The following PIM3 variants were observed in gnomAD, a reference collection of about 807,000 sequenced individuals.
The protein encoded by PIM3 is serine/threonine-protein kinase pim-3.
A neutral mutation model predicts 27.5 loss-of-function variants in PIM3; 13 were observed. The ratio of observed to expected loss-of-function variants is 0.47; its 90% CI spans 0.31 to 0.75. The LOEUF is 0.75. Ranked by LOEUF, PIM3 falls within the 30% of genes least tolerant of loss-of-function variation. The pLI, the probability that PIM3 is intolerant of heterozygous loss-of-function variation, is 0.05. For missense variants in PIM3, 482 were observed against 476.9 expected (o/e 1.01, Z -0.10); for synonymous variants, 341 against 221.1 (o/e 1.54, Z -4.81).
chr22:49,961,969 G>A (rs2060909840), intron 4 of PIM3, among the ~76,000 whole-genome samples, 158 bp downstream of exon 4: 3 of 152,138 alleles, frequency 2.0e-5, no homozygotes, highest in Admixed American at 2.0e-4. Flanking sequence ...CCTGGGGAGG[G>A]CTGAGCGAGG....
In PIM3 at chr22:49,961,665, C is replaced by T. The variant is rs1436362600; in HGVS notation, c.470C>T (p.Ala157Val). ...ARRFFAQVLA[A>V]VRHCHSCGVV... is the part of the protein sequence containing the mutation. Reference sequence around the variant, plus strand: ...CGCTTCTTCGCGCAGGTGCTGGCCGCCGTGCGCCACTGCCACAGCTGCGGG... The same window carrying T: ...CGCTTCTTCGCGCAGGTGCTGGCCGTCGTGCGCCACTGCCACAGCTGCGGG... Residue 157 changes from alanine to valine, a missense_variant, in exon 4 of 6, where the codon GCC becomes GTC. Coordinates refer to ENST00000360612, the MANE Select transcript of PIM3 (RefSeq NM_001001852.4). 1.3e-6 allele frequency: 2 copies of T among 1,585,496 alleles called. No individual in the cohort carries two copies. Among genetic ancestry groups the T allele is most frequent in the South Asian group, 1.1e-5 (1 of 87,730 alleles).
At position 49,962,710 on chromosome 22, in the gene PIM3, CG is replaced by C; in HGVS notation, c.640del (p.Glu214SerfsTer56). 1 of 1,611,806 alleles carries C rather than the reference CG, an allele frequency of 6.2e-7. No homozygotes were observed. Among genetic ancestry groups the C allele is most frequent in the Non-Finnish European group, 8.5e-7 (1 of 1,179,540 alleles). On this transcript the variant is annotated frameshift_variant, in exon 5 of 6. Transcript: ENST00000360612. LOFTEE classifies it high-confidence loss of function. ...DFDGTRVYSP[P>X]EWIRYHRYHG... ...TTAGGCACCCGAGTGTACAGCCCCC[CG>C]GAGTGGATCCGCTACCACCGCTACC...
At chr22:49,962,582 G>T in intron 4 of PIM3, 107 bp from the exon 5 acceptor site, 1 of 1,279,334 alleles carries the variant, frequency 7.8e-7, no homozygotes. Flanking sequence ...TTGAGGCCTG[G>T]CTCTGCTTCC....
chr22:49,962,738 C>T lies in PIM3; in HGVS notation c.666C>T (p.His222=), dbSNP rs144759588. ...PPEWIRYHRY[H]GRSATVWSLG... ...AGTGGATCCGCTACCACCGCTACCACGGGCGCTCGGCCACCGTGTGGTCGC... is the reference window on the plus strand; with the variant it reads ...AGTGGATCCGCTACCACCGCTACCATGGGCGCTCGGCCACCGTGTGGTCGC... The change falls in exon 5 of 6, where the codon CAC becomes CAT. Residue 222 remains histidine (H), a synonymous_variant. Coordinates refer to ENST00000360612, the MANE Select transcript of PIM3 (RefSeq NM_001001852.4). The T allele has an allele frequency of 2.6e-3, 4,216 of 1,612,786 alleles. 105 individuals are homozygous for T. The African/African-American group carries it at 0.051, about 19-fold the overall frequency.
Position 49,961,312 on chromosome 22 carries a change from C to G in PIM3, c.196-6C>G. ...TTGGCCCGGCCTGACCCCCGCGTCT[C>G]CGCAGGTGGCTGTGAAGCACGTGGT... is the stretch of plus-strand genomic sequence containing the variant. On this transcript the variant is annotated splice_region_variant and splice_polypyrimidine_tract_variant and intron_variant, in intron 2 of 5. Transcript: ENST00000360612. The G allele has an allele frequency of 6.5e-7, 1 of 1,544,766 alleles. No individual in the cohort carries two copies. Among genetic ancestry groups the G allele is most frequent in the Non-Finnish European group, 8.7e-7 (1 of 1,150,314 alleles).
In PIM3 at chr22:49,961,658, C is replaced by G. The variant is rs879175441; in HGVS notation, c.463C>G (p.Leu155Val). Reference protein sequence around the residue: ...PLARRFFAQVLAAVRHCHSCG... With the variant: ...PLARRFFAQVVAAVRHCHSCG... ...GGCGCGCCGCTTCTTCGCGCAGGTG[C>G]TGGCCGCCGTGCGCCACTGCCACAG... Residue 155 changes from leucine (L) to valine (V), a missense_variant, in exon 4 of 6, where the codon CTG (leucine) becomes GTG (valine). Coordinates refer to ENST00000360612, the MANE Select transcript of PIM3 (RefSeq NM_001001852.4). 6.3e-7 allele frequency: 1 copy of G among 1,579,264 alleles called. No individual in the cohort carries two copies.
chr22:49,962,525 C>T (rs1480597188), intron 4 of PIM3, among the ~76,000 whole-genome samples, 164 bp from the exon 5 acceptor site: 1 of 151,952 alleles, frequency 6.6e-6, no homozygotes, highest in Non-Finnish European at 1.5e-5. Context: ...TCCCCCAGCC[C>T]CCCCATCGCC....
chr22:49,962,763 C>T lies in PIM3; in HGVS notation c.691C>T (p.Leu231=), dbSNP rs752737381. The T allele has an allele frequency of 4.3e-6, 7 of 1,612,728 alleles. No individual in the cohort carries two copies. The highest frequency in any genetic ancestry group is 5.1e-6 in the Non-Finnish European group (6 of 1,179,978). Residue 231 remains leucine, a synonymous_variant, in exon 5 of 6, where the codon CTG becomes TTG. Coordinates refer to ENST00000360612, the MANE Select transcript of PIM3 (RefSeq NM_001001852.4). The part of the protein sequence containing the change: ...YHGRSATVWS[L]GVLLYDMVCG... ...CGGGCGCTCGGCCACCGTGTGGTCG[C>T]TGGGCGTGCTTCTCTACGATATGGT...
chr22:49,961,890 G>A, intron 4 of PIM3, 79 bp downstream of exon 4: 9 of 1,564,190 alleles, frequency 5.8e-6, no homozygotes, highest in Non-Finnish European at 6.9e-6. Flanking sequence ...CACATGGAGG[G>A]GCTGATGACT....
chr22:49,962,070 C>T (rs1338457795), intron 4 of PIM3, among the ~76,000 whole-genome samples: 3 of 152,084 alleles, frequency 2.0e-5, no homozygotes, highest in Non-Finnish European at 4.4e-5. Context: ...CCTCTTGCCC[C>T]GGTGTGGGAG....
Position 49,963,136 on chromosome 22 carries a change from A to G in PIM3, c.*9A>G, listed in dbSNP as rs1365381228. 1 of 1,580,568 alleles carries G rather than the reference A, an allele frequency of 6.3e-7. No homozygotes were observed. The highest frequency in any genetic ancestry group is 8.6e-7 in the Non-Finnish European group (1 of 1,162,158). ...GCAGCGAGAGCTTGTGAGGAGCTGC[A>G]CCTGACTGGGAGCTAGGGGACCACC... is the stretch of plus-strand genomic sequence containing the variant. On this transcript the variant is annotated 3_prime_UTR_variant, in exon 6 of 6. Coordinates refer to ENST00000360612, the MANE Select transcript of PIM3 (RefSeq NM_001001852.4).
rs1442428582 is a variant in PIM3, at chr22:49,963,026, C to T, written c.880C>T (p.Leu294=). Residue 294 remains leucine (L), a synonymous_variant, in exon 6 of 6, where the codon CTG becomes TTG. Transcript: ENST00000360612. ...LDQIAAHPWM[L]GADGGVPESC... ...TCAGATTGCGGCCCATCCCTGGATG[C>T]TGGGGGCTGACGGGGGCGTCCCGGA... 1.3e-5 allele frequency: 21 copies of T among 1,612,060 alleles called. No homozygotes were observed. Among genetic ancestry groups the T allele is most frequent in the Non-Finnish European group, 1.8e-5 (21 of 1,179,790 alleles).
chr22:49,961,217 A>T lies in PIM3; in HGVS notation c.178A>T (p.Ile60Phe). The T allele has an allele frequency of 1.3e-6, 2 of 1,532,386 alleles. No individual in the cohort carries two copies. The highest frequency in any genetic ancestry group is 1.7e-6 in the Non-Finnish European group (2 of 1,143,622). 94.9% of individuals were successfully genotyped at this position (1,532,386 alleles called of 1,614,324 possible). ...CGGCACGGTCTACGCGGGTAGCCGCATCGCCGACGGGCTCCCGGTGAGTCG... is the reference window on the plus strand; with the variant it reads ...CGGCACGGTCTACGCGGGTAGCCGCTTCGCCGACGGGCTCCCGGTGAGTCG... ...GFGTVYAGSR[I>F]ADGLPVAVKH... is the part of the protein sequence containing the mutation. The change falls in exon 2 of 6, where the codon ATC becomes TTC. Residue 60 changes from isoleucine (I) to phenylalanine (F), a missense_variant. Ile to Phe is a conservative substitution (Grantham distance 21). Coordinates refer to ENST00000360612, the MANE Select transcript of PIM3 (RefSeq NM_001001852.4).
At position 49,960,983 on chromosome 22, in the gene PIM3, C is replaced by T. The variant is rs1439642443; in HGVS notation, c.36C>T (p.Leu12=). ...CCAAGTTCGGCTCCCTGGCGCACCTCTGCGGGCCCGGCGGCGTGGACCACC... is the reference window on the plus strand; with the variant it reads ...CCAAGTTCGGCTCCCTGGCGCACCTTTGCGGGCCCGGCGGCGTGGACCACC... The part of the protein sequence containing the change: ...LLSKFGSLAH[L]CGPGGVDHLP... The change falls in exon 1 of 6, where the codon CTC becomes CTT. Residue 12 remains leucine, a synonymous_variant. Coordinates refer to ENST00000360612, the MANE Select transcript of PIM3 (RefSeq NM_001001852.4). 2.1e-6 allele frequency: 3 copies of T among 1,396,182 alleles called. No individual in the cohort carries two copies. Among genetic ancestry groups the T allele is most frequent in the East Asian group, 3.3e-5 (1 of 29,934 alleles). The allele number at this position is 1,396,182 out of a possible 1,614,324, so 86.5% of individuals were successfully genotyped here. A position where few individuals can be genotyped will look rare whatever the true frequency, so the allele number is the denominator to read the frequency against.
At chr22:49,962,891 G>A in intron 5 of PIM3, 26 bp downstream of exon 5, 2 of 1,600,112 alleles carry the variant, frequency 1.2e-6, no homozygotes, top group East Asian at 2.2e-5. Context: ...AGGCGGGGGT[G>A]GGGGCCTCGC....
At position 49,960,841 on chromosome 22, in the gene PIM3, G is replaced by A. The variant is rs1281386695; in HGVS notation, c.-107G>A. ...GCCTTCCGGGCCCACTGCGCCGCGC[G>A]GACCGCCTCGGGCTCGGACGGCCGG... On this transcript the variant is annotated 5_prime_UTR_variant, in exon 1 of 6. Transcript: ENST00000360612. 13 of 815,456 alleles carry A rather than the reference G, an allele frequency of 1.6e-5. No individual in the cohort carries two copies. Among genetic ancestry groups the A allele is most frequent in the Non-Finnish European group, 2.0e-5 (13 of 655,336 alleles). 50.5% of individuals were successfully genotyped at this position (815,456 alleles called of 1,614,324 possible).
At chr22:49,961,941 C>T (rs1293937793) in intron 4 of PIM3, 130 bp downstream of exon 4, 4 of 1,351,980 alleles carry the variant, frequency 3.0e-6, no homozygotes, top group South Asian at 1.3e-5. Flanking sequence ...TCGTGGGGAG[C>T]AGAGGCCCAC....
intron 2 of PIM3, 29 bp from the exon 3 acceptor site, chr22:49,961,288 TG>T: frequency 6.5e-7 from 1 of 1,541,950 alleles, no homozygotes; most frequent in Non-Finnish European, 8.7e-7. Context: ...GCGCCTCGCT[TG>T]GCCCGGCCTG....
chr22:49,961,962 G>A, intron 4 of PIM3, 151 bp downstream of exon 4: 1 of 1,237,448 alleles, frequency 8.1e-7, no homozygotes, highest in Non-Finnish European at 1.1e-6. Flanking sequence ...GCGCTACCCT[G>A]GGGAGGGCTG....
Sources: gnomAD v4.1 joint callset for allele counts (sites outside exome capture counted in the v4.1 genomes callset) on GRCh38, gnomAD v4.1.1 for gene constraint, MANE v1.5 for transcripts, NCBI Gene and HGNC (gene_info 2026-07-23, HGNC 2026-07-21) for gene names.